The following ZRANB3 variants were observed in gnomAD, a reference collection of about 807,000 sequenced individuals.
ZRANB3 encodes the protein DNA annealing helicase and endonuclease ZRANB3.
A neutral mutation model predicts 133.8 loss-of-function variants in ZRANB3; 125 were observed. The ratio of observed to expected loss-of-function variants is 0.93; its 90% confidence interval spans 0.81 to 1.08. ZRANB3 has a LOEUF of 1.08. ZRANB3 is among the 50% of genes least tolerant of loss of function. The pLI, the probability that ZRANB3 is intolerant of heterozygous loss-of-function variation, is 0.00. For synonymous variants in ZRANB3, 387 were observed against 432.7 expected (o/e 0.89, Z 1.31); for missense variants, 1,229 against 1,275.5 (o/e 0.96, Z 0.56).
intron 6 of ZRANB3, among the ~76,000 whole-genome samples, chr2:135,341,364 C>T (rs889288489): frequency 2.0e-5 from 3 of 149,916 alleles, no homozygotes; most frequent in Non-Finnish European, 4.4e-5. Context: ...TGTATCACTT[C>T]CCCAATCAAT....
intron 1 of ZRANB3, among the ~76,000 whole-genome samples, chr2:135,516,457 G>A (rs1410468267): frequency 6.6e-6 from 1 of 152,182 alleles, no homozygotes; most frequent in African/African-American, 2.4e-5. Flanking sequence ...TGTAAGGCAG[G>A]CCTGGTGGTG....
At chr2:135,449,394 C>T (rs537208625) in intron 2 of ZRANB3, among the ~76,000 whole-genome samples, 6 of 152,074 alleles carry the variant, frequency 3.9e-5, no homozygotes, top group African/African-American at 1.2e-4. Flanking sequence ...CCAAGGTGGG[C>T]GGATCACCTG....
intron 6 of ZRANB3, among the ~76,000 whole-genome samples, chr2:135,343,264 G>A (rs1259301664): frequency 6.7e-6 from 1 of 148,392 alleles, no homozygotes; most frequent in Admixed American, 6.6e-5. Context: ...GAGATGATGA[G>A]GTTTCTCTTT....
At position 135,311,581 on chromosome 2, in the gene ZRANB3, T is replaced by A. The variant is rs530247182; in HGVS notation, c.966+1908A>T. 9.2e-4 allele frequency among the ~76,000 whole-genome samples: 129 copies of A among 139,684 alleles called. 3 individuals are homozygous for A. The highest frequency in any genetic ancestry group is 7.1e-3 in the Admixed American group (100 of 13,988). The allele number at this position is 139,684 out of a possible 152,430, so 91.6% of individuals were successfully genotyped here. ...AAATGTCCATTAATAGGTGAAAGAA[T>A]AAAAAAAAAAAAAATTTTAGGGGCC... is the stretch of plus-strand genomic sequence containing the variant. On this transcript the variant is annotated intron_variant, in intron 8 of 20. Transcript: ENST00000264159.
chr2:135,441,045 G>T (rs1689756401), intron 2 of ZRANB3, among the ~76,000 whole-genome samples: 1 of 151,370 alleles, frequency 6.6e-6, no homozygotes, highest in African/African-American at 2.4e-5. Context: ...GAGAGAAAGG[G>T]GCAGAAAAAA....
Position 135,487,642 on chromosome 2 carries a change from T to C in ZRANB3, c.161+16687A>G, listed in dbSNP as rs144967469. 1.4e-3 allele frequency among the ~76,000 whole-genome samples: 210 copies of C among 152,314 alleles called. 1 individual carries two copies. The highest frequency in any genetic ancestry group is 0.012 in the South Asian group (56 of 4,828). On this transcript the variant is annotated intron_variant, in intron 2 of 20. Transcript: ENST00000264159. ...ATTTATGTTATGACGATGGCGTTTT[T>C]CCTTAATCCTCATGAACCAACCTCT... is the stretch of plus-strand genomic sequence containing the variant.
At chr2:135,341,823 G>A (rs1047253392) in intron 6 of ZRANB3, among the ~76,000 whole-genome samples, 4 of 149,932 alleles carry the variant, frequency 2.7e-5, no homozygotes, top group African/African-American at 7.6e-5. Context: ...CTCCTGCAGC[G>A]CCCCCAGGCT....
At chr2:135,454,328 A>G (rs191636558) in intron 2 of ZRANB3, among the ~76,000 whole-genome samples, 54 of 152,338 alleles carry the variant, frequency 3.5e-4, no homozygotes, top group Non-Finnish European at 6.6e-4. Context: ...ATCAACATTC[A>G]TATTATATAA....
At chr2:135,405,612 C>A (rs199582916) in intron 2 of ZRANB3, among the ~76,000 whole-genome samples, 2 of 152,162 alleles carry the variant, frequency 1.3e-5, no homozygotes, top group African/African-American at 2.4e-5. Flanking sequence ...GAAATTATAA[C>A]AAACTCTCTC....
At chr2:135,330,870 G>A (rs6729807) in intron 6 of ZRANB3, among the ~76,000 whole-genome samples, 40,264 of 152,058 alleles carry the variant, frequency 0.26, 8,893 homozygotes, top group African/African-American at 0.59. Flanking sequence ...ACGGTAGTTT[G>A]TATTTCCGTG....
intron 2 of ZRANB3, among the ~76,000 whole-genome samples, chr2:135,391,582 CTT>C (rs200286702): frequency 1.2e-4 from 17 of 142,074 alleles, no homozygotes; most frequent in Non-Finnish European, 1.1e-4. Flanking sequence ...TTATTTCTTT[CTT>C]TTTTTTTTTT....
chr2:135,386,988 T>TAA (rs530231165), intron 3 of ZRANB3, among the ~76,000 whole-genome samples: 1 of 126,248 alleles, frequency 7.9e-6, no homozygotes, highest in South Asian at 2.5e-4. Flanking sequence ...CTTAAAGAAT[T>TAA]AAAAAAAAAA....
At chr2:135,490,221 T>C (rs1167614538) in intron 2 of ZRANB3, among the ~76,000 whole-genome samples, 1 of 152,218 alleles carries the variant, frequency 6.6e-6, no homozygotes, top group Non-Finnish European at 1.5e-5. Flanking sequence ...AGTGAAAGGA[T>C]ATTTTTAGAA....
At position 135,207,787 on chromosome 2, in the gene ZRANB3, C is replaced by T; in HGVS notation, c.2656G>A (p.Val886Ile). Residue 886 changes from valine (V) to isoleucine (I), a missense_variant, in exon 19 of 21, where the codon GTC (valine) becomes ATC (isoleucine). Physicochemically the swap from Val to Ile is conservative, Grantham distance 29. Coordinates refer to ENST00000264159, the MANE Select transcript of ZRANB3 (RefSeq NM_032143.4). Reference sequence around the variant, plus strand: ...GGCTTCACAGTGAGATCTGCCTGGACTGTGTATGGATTTAGAAATGGGACA... The same window carrying T: ...GGCTTCACAGTGAGATCTGCCTGGATTGTGTATGGATTTAGAAATGGGACA... ...ACVPFLNPYT[V>I]QADLTVKPST... 6.2e-7 allele frequency: 1 copy of T among 1,612,270 alleles called. No homozygotes were observed. The highest frequency in any genetic ancestry group is 1.1e-5 in the South Asian group (1 of 91,056).
At chr2:135,329,277 TG>T (rs1224966494) in intron 6 of ZRANB3, among the ~76,000 whole-genome samples, 31 of 152,352 alleles carry the variant, frequency 2.0e-4, no homozygotes, top group African/African-American at 7.2e-4. Context: ...TTTCTACACA[TG>T]GCTAGCCAGT....
chr2:135,264,541 A>G (rs935851924), intron 12 of ZRANB3, among the ~76,000 whole-genome samples: 6 of 152,056 alleles, frequency 3.9e-5, no homozygotes, highest in Non-Finnish European at 8.8e-5. Context: ...AAATATCATT[A>G]ATGAACGCTA....
intron 2 of ZRANB3, among the ~76,000 whole-genome samples, chr2:135,391,882 G>T (rs1400389818): frequency 6.6e-6 from 1 of 152,018 alleles, no homozygotes; most frequent in African/African-American, 2.4e-5. Flanking sequence ...CCTGGCCGCT[G>T]AGTTTTTATT....
chr2:135,381,699 T>C (rs1432371581), intron 3 of ZRANB3, among the ~76,000 whole-genome samples: 2 of 152,172 alleles, frequency 1.3e-5, no homozygotes. Context: ...ATATCCACTG[T>C]TCTGCAGACT....
At position 135,241,557 on chromosome 2, in the gene ZRANB3, T is replaced by G. The variant is rs79437832; in HGVS notation, c.1540-10630A>C. On this transcript the variant is annotated intron_variant, in intron 12 of 20. Coordinates refer to ENST00000264159, the MANE Select transcript of ZRANB3 (RefSeq NM_032143.4). ...CTAATGACACTTGATCGTCCCTTCC[T>G]TGAGGGATGAATGGGGAATGGGAGG... Among the ~76,000 whole-genome samples, 451 of 152,180 alleles carry G rather than the reference T, an allele frequency of 3.0e-3. 3 individuals carry two copies. Among genetic ancestry groups the G allele is most frequent in the African/African-American group, 0.01 (420 of 41,516 alleles).
Sources: allele counts gnomAD v4.1 joint callset (sites outside exome capture counted in the v4.1 genomes callset), GRCh38; gene constraint gnomAD v4.1.1; transcripts MANE v1.5; gene names NCBI Gene and HGNC (gene_info 2026-07-23, HGNC 2026-07-21).